Variants in GLRA2 observed in about 807,000 individuals in gnomAD.
GLRA2 encodes glycine receptor subunit alpha-2.
A neutral mutation model predicts 31.6 loss-of-function variants in GLRA2; 11 were observed. The ratio of observed to expected loss-of-function variants is 0.35; its 90% confidence interval spans 0.22 to 0.58. GLRA2 has a LOEUF of 0.58. Among genes scored for constraint, GLRA2 ranks in the 20% least tolerant of loss-of-function variants. GLRA2 has a pLI of 0.84. For synonymous variants in GLRA2, 132 were observed against 134.0 expected (o/e 0.99, Z 0.10); for missense variants, 212 against 351.8 (o/e 0.60, Z 3.18).
chrX:14,581,164 G>A lies in GLRA2; in HGVS notation c.271-19G>A, dbSNP rs760126124. Reference sequence around the variant, plus strand: ...TGTGCCAGGGTAATCAGTAACACTTGTCCACGGCATTTCTGTAGGACTACC... The same window carrying A: ...TGTGCCAGGGTAATCAGTAACACTTATCCACGGCATTTCTGTAGGACTACC... On this transcript the variant is annotated intron_variant, in intron 3 of 8. Coordinates refer to ENST00000218075, the MANE Select transcript of GLRA2 (RefSeq NM_002063.4). 21 of 955,697 alleles carry A rather than the reference G, an allele frequency of 2.2e-5. No homozygotes were observed. The allele number at this position is 955,697 out of a possible 1,213,427, so 78.8% of individuals were successfully genotyped here. A position where few individuals can be genotyped will look rare whatever the true frequency, so the allele number is the denominator to read the frequency against.
the GLRA2 span, among the ~76,000 whole-genome samples, chrX:14,474,245 A>G: frequency 9.0e-6 from 1 of 111,514 alleles, no homozygotes; most frequent in African/African-American, 3.3e-5. Flanking sequence ...TCTCTCATGT[A>G]TGGTCAGATA....
chrX:14,501,862 G>A, the GLRA2 span, among the ~76,000 whole-genome samples: 32 of 111,287 alleles, frequency 2.9e-4, no homozygotes, highest in African/African-American at 9.8e-4. Context: ...AGAAGTCTGA[G>A]ATCAAGGTGT....
chrX:14,575,866 G>A (rs2089952045), intron 3 of GLRA2, among the ~76,000 whole-genome samples: 1 of 111,432 alleles, frequency 9.0e-6, no homozygotes, highest in South Asian at 3.8e-4. Context: ...CATGGAGGTT[G>A]CATTTTGGGT....
chrX:14,686,510 C>G (rs904361580), intron 7 of GLRA2, among the ~76,000 whole-genome samples: 2 of 111,698 alleles, frequency 1.8e-5, no homozygotes, highest in Admixed American at 9.5e-5. Flanking sequence ...GTGTTGGGTG[C>G]ATATATCTTT....
At chrX:14,615,438 G>A (rs2090444329) in intron 7 of GLRA2, among the ~76,000 whole-genome samples, 1 of 111,813 alleles carries the variant, frequency 8.9e-6, no homozygotes, top group South Asian at 3.7e-4. Context: ...GCCAGAGATA[G>A]GCATTTGGAA....
At position 14,607,272 on chromosome X, in the gene GLRA2, A is replaced by T; in HGVS notation, c.715+4A>T. 9.4e-7 allele frequency: 1 copy of T among 1,065,179 alleles called. No homozygotes were observed. The highest frequency in any genetic ancestry group is 1.2e-6 in the Non-Finnish European group (1 of 804,132). 87.8% of individuals were successfully genotyped at this position (1,065,179 alleles called of 1,213,427 possible). ...TGTACAAAGCACTACAACACTGGTA[A>T]GTTTCTTTTTTTTTTTTTTTCAGCT... On this transcript the variant is annotated splice_donor_region_variant and intron_variant, in intron 6 of 8. Coordinates refer to ENST00000218075, the MANE Select transcript of GLRA2 (RefSeq NM_002063.4).
chrX:14,707,081 AC>A (rs1157048288), intron 8 of GLRA2, among the ~76,000 whole-genome samples: 1 of 111,556 alleles, frequency 9.0e-6, no homozygotes, highest in Non-Finnish European at 1.9e-5. Context: ...CCAGCCAAGT[AC>A]CCTATCCTGT....
At chrX:14,710,107 C>T (rs1013411248) in intron 8 of GLRA2, among the ~76,000 whole-genome samples, 1 of 111,802 alleles carries the variant, frequency 8.9e-6, no homozygotes, top group African/African-American at 3.3e-5. Flanking sequence ...GCGATTTCAT[C>T]ATGAACCTAA....
At chrX:14,650,101 C>T (rs757022715) in intron 7 of GLRA2, among the ~76,000 whole-genome samples, 2 of 111,329 alleles carry the variant, frequency 1.8e-5, no homozygotes, top group African/African-American at 6.5e-5. Flanking sequence ...AACATTGGTG[C>T]GAGGAAAACA....
intron 2 of GLRA2, among the ~76,000 whole-genome samples, chrX:14,570,967 T>A (rs1296173481): frequency 9.1e-6 from 1 of 110,242 alleles, no homozygotes; most frequent in East Asian, 2.9e-4. Context: ...TATATTTGGA[T>A]TGCATACTTG....
intron 4 of GLRA2, among the ~76,000 whole-genome samples, chrX:14,602,351 CGTTG>C (rs1389749084): frequency 1.3e-5 from 1 of 74,300 alleles, no homozygotes; most frequent in Admixed American, 1.5e-4. Context: ...ATGTACAAAC[CGTTG>C]TTTGTTTGTT....
intron 8 of GLRA2, among the ~76,000 whole-genome samples, chrX:14,705,270 C>G (rs995758131): frequency 1.8e-5 from 2 of 111,845 alleles, no homozygotes; most frequent in Admixed American, 1.9e-4. Context: ...GTCAGTGACA[C>G]GGAAGCTTTG....
At chrX:14,477,984 A>G in the GLRA2 span, among the ~76,000 whole-genome samples, 1 of 110,553 alleles carries the variant, frequency 9.0e-6, no homozygotes, top group African/African-American at 3.3e-5. Flanking sequence ...TGCAATTCCA[A>G]TTTCTACCAG....
intron 8 of GLRA2, among the ~76,000 whole-genome samples, chrX:14,704,673 G>A (rs1359372171): frequency 9.0e-6 from 1 of 111,716 alleles, no homozygotes; most frequent in Non-Finnish European, 1.9e-5. Context: ...AAATGACCTT[G>A]GCTCTGTGCA....
chrX:14,565,357 A>C (rs991741404), intron 2 of GLRA2, among the ~76,000 whole-genome samples: 1 of 111,891 alleles, frequency 8.9e-6, no homozygotes, highest in Non-Finnish European at 1.9e-5. Context: ...TTAAGTCAAA[A>C]ATTGTTAAAA....
chrX:14,686,329 T>C (rs1327929738), intron 7 of GLRA2, among the ~76,000 whole-genome samples: 2 of 111,867 alleles, frequency 1.8e-5, no homozygotes, highest in African/African-American at 3.3e-5. Flanking sequence ...GTCTATTAGG[T>C]CTGCTTGGTG....
At chrX:14,646,911 T>C (rs2090837949) in intron 7 of GLRA2, among the ~76,000 whole-genome samples, 1 of 112,149 alleles carries the variant, frequency 8.9e-6, no homozygotes, top group Admixed American at 9.5e-5. Flanking sequence ...TCTTGCCGTA[T>C]GTGTCCCAGG....
At chrX:14,608,218 CAATT>C (rs763447645) in intron 6 of GLRA2, among the ~76,000 whole-genome samples, 4 of 110,926 alleles carry the variant, frequency 3.6e-5, no homozygotes, top group African/African-American at 6.5e-5. Flanking sequence ...AACTCCAAGT[CAATT>C]AAGGAGAAAA....
intron 7 of GLRA2, among the ~76,000 whole-genome samples, chrX:14,687,909 G>GT (rs1012638424): frequency 3.6e-5 from 4 of 112,159 alleles, no homozygotes; most frequent in African/African-American, 1.3e-4. Context: ...TTTCTGCTCT[G>GT]TTTTTTCACC....
Sources: allele counts gnomAD v4.1 joint callset (sites outside exome capture counted in the v4.1 genomes callset), GRCh38; gene constraint gnomAD v4.1.1; transcripts MANE v1.5; gene names NCBI Gene and HGNC (gene_info 2026-07-23, HGNC 2026-07-21).